CABP7: variants seen among roughly 807,000 people sequenced by gnomAD.
The protein encoded by CABP7 is calcium-binding protein 7.
A neutral mutation model predicts 23.1 loss-of-function variants in CABP7; 13 were observed. The observed-to-expected ratio is 0.56, with a 90% CI of 0.37 to 0.90. The LOEUF is 0.90. Among genes scored for constraint, CABP7 ranks in the 40% least tolerant of loss-of-function variants. The pLI is 0.01. For missense variants in CABP7, 248 were observed against 295.6 expected, an observed-to-expected ratio of 0.84 and a Z score of 1.18; for synonymous variants, 123 against 115.3, an observed-to-expected ratio of 1.07 and a Z score of -0.43.
In CABP7 at chr22:29,729,342, C is replaced by T. The variant is rs987185415; in HGVS notation, c.521-100C>T. ...CTAAGCCTCTGTCCCATTGGGGCAC[C>T]CCATGGGATGAGCCCATGTGCCGAA... On this transcript the variant is annotated intron_variant, in intron 4 of 4. Transcript: ENST00000216144. 3.2e-6 allele frequency: 5 copies of T among 1,577,184 alleles called. No individual in the cohort carries two copies. The African/African-American group carries it at 5.4e-5, about 17-fold the overall frequency.
rs1174201939 is a variant in CABP7, at chr22:29,727,131, A to T, written c.110-531A>T. Among the ~76,000 whole-genome samples the T allele has an allele frequency of 1.3e-5, 2 of 152,140 alleles. No homozygotes were observed. Among genetic ancestry groups the T allele is most frequent in the African/African-American group, 4.8e-5 (2 of 41,438 alleles). On this transcript the variant is annotated intron_variant, in intron 1 of 4. Transcript: ENST00000216144. This position sits in a 1 kb window ranked among gnomAD's most constrained non-coding sequence, Gnocchi z 4.2. ...CCCTCTGTCTTCCCTGAACCAAAAG[A>T]GGTCTGTGCCGCCTGTCAGCCCATT...
At chr22:29,723,888 T>C (rs2067778485) in intron 1 of CABP7, among the ~76,000 whole-genome samples, 1 of 152,176 alleles carries the variant, frequency 6.6e-6, no homozygotes, top group African/African-American at 2.4e-5. Context: ...CGGATGTCCC[T>C]TGGAGTCTGC....
chr22:29,723,737 CA>C (rs1183307125), intron 1 of CABP7, among the ~76,000 whole-genome samples: 2 of 152,220 alleles, frequency 1.3e-5, no homozygotes, highest in African/African-American at 4.8e-5. Context: ...TCTGCACAGC[CA>C]AAAGCTCAGG....
intron 1 of CABP7, among the ~76,000 whole-genome samples, chr22:29,726,355 T>A (rs1048338818): frequency 5.9e-5 from 9 of 152,258 alleles, no homozygotes; most frequent in Admixed American, 2.0e-4. Context: ...TGGCCCCTAG[T>A]CTGTGGTGAG....
intron 3 of CABP7, 136 bp from the exon 4 acceptor site, chr22:29,728,919 G>T: frequency 8.1e-7 from 1 of 1,234,638 alleles, no homozygotes. Flanking sequence ...GTTGGTCAAG[G>T]ACTCTCTGGG....
chr22:29,720,525 A>G lies in CABP7; in HGVS notation c.101A>G (p.Glu34Gly). ...EQRPVDIPED[E>G]LEEIREAFKV... ...CGCCCGGTGGACATCCCGGAGGACGAGCTGGAGGGTGAGTGTCCGCCGGGA... is the reference window on the plus strand; with the variant it reads ...CGCCCGGTGGACATCCCGGAGGACGGGCTGGAGGGTGAGTGTCCGCCGGGA... Residue 34 changes from glutamate to glycine, a missense_variant, in exon 1 of 5, where the codon GAG (glutamate) becomes GGG (glycine). Transcript: ENST00000216144. This position sits in a 1 kb window ranked among gnomAD's most constrained non-coding sequence, Gnocchi z 5.2. 1 of 1,535,142 alleles carries G rather than the reference A, an allele frequency of 6.5e-7. No homozygotes were observed. The highest frequency in any genetic ancestry group is 8.8e-7 in the Non-Finnish European group (1 of 1,141,210).
At chr22:29,726,163 G>A (rs1218287163) in intron 1 of CABP7, among the ~76,000 whole-genome samples, 1 of 152,200 alleles carries the variant, frequency 6.6e-6, no homozygotes, top group African/African-American at 2.4e-5. Context: ...GGTGGGATGA[G>A]TGAAGGGGAA....
intron 1 of CABP7, among the ~76,000 whole-genome samples, chr22:29,722,205 G>T (rs1307708137): frequency 2.0e-5 from 3 of 152,164 alleles, no homozygotes; most frequent in Admixed American, 6.5e-5. Context: ...GCCCTTTCTG[G>T]GTCCCTCCTC....
chr22:29,727,157 A>G lies in CABP7; in HGVS notation c.110-505A>G, dbSNP rs1281192307. Among the ~76,000 whole-genome samples, 1 of 152,058 alleles carries G rather than the reference A, an allele frequency of 6.6e-6. No homozygotes were observed. The highest frequency in any genetic ancestry group is 1.5e-5 in the Non-Finnish European group (1 of 68,016). On this transcript the variant is annotated intron_variant, in intron 1 of 4. Coordinates refer to ENST00000216144, the MANE Select transcript of CABP7 (RefSeq NM_182527.3). The surrounding 1 kb of genome is among the most constrained non-coding windows in gnomAD (Gnocchi z 4.2). ...GGTCTGTGCCGCCTGTCAGCCCATTAGTCTGGAGCAAGCTGCCTCACGTGG... is the reference window on the plus strand; with the variant it reads ...GGTCTGTGCCGCCTGTCAGCCCATTGGTCTGGAGCAAGCTGCCTCACGTGG...
chr22:29,728,731 G>A lies in CABP7; in HGVS notation c.355G>A (p.Val119Ile). The A allele has an allele frequency of 1.9e-6, 3 of 1,610,258 alleles. No homozygotes were observed. The highest frequency in any genetic ancestry group is 2.5e-6 in the Non-Finnish European group (3 of 1,176,810). Residue 119 changes from valine (V) to isoleucine (I), a missense_variant, in exon 3 of 5, where the codon GTC becomes ATC. By Grantham distance (29) the Val-to-Ile change is conservative. Coordinates refer to ENST00000216144, the MANE Select transcript of CABP7 (RefSeq NM_182527.3). ...GTTCCATGGCACCGACTTTGATACT[G>A]TCTTCTGGAAGGTATCCCCTGGCTA... The part of the protein sequence containing the change: ...EKFHGTDFDT[V>I]FWKCDMQKLT...
At chr22:29,726,607 C>T (rs2067797173) in intron 1 of CABP7, among the ~76,000 whole-genome samples, 1 of 152,238 alleles carries the variant, frequency 6.6e-6, no homozygotes, top group Non-Finnish European at 1.5e-5. Context: ...CAGATACACA[C>T]CCTCTCTCAC....
intron 1 of CABP7, among the ~76,000 whole-genome samples, chr22:29,726,115 C>G (rs2067793864): frequency 6.6e-6 from 1 of 152,156 alleles, no homozygotes; most frequent in South Asian, 2.1e-4. Flanking sequence ...TTCCCTGGCC[C>G]CGGGGCCATT....
intron 2 of CABP7, among the ~76,000 whole-genome samples, chr22:29,728,405 C>G (rs2067811355): frequency 6.6e-6 from 1 of 152,192 alleles, no homozygotes; most frequent in Admixed American, 6.5e-5. Context: ...CTACCTCCAC[C>G]TCCCCTTGTA....
chr22:29,722,833 A>T (rs2067770844), intron 1 of CABP7, among the ~76,000 whole-genome samples: 1 of 152,226 alleles, frequency 6.6e-6, no homozygotes, highest in Non-Finnish European at 1.5e-5. Flanking sequence ...GCAGCCCGGG[A>T]TGGAATGCTG....
At position 29,729,292 on chromosome 22, in the gene CABP7, G is replaced by T. The variant is rs2067820328; in HGVS notation, c.520+84G>T. 5.7e-6 allele frequency: 9 copies of T among 1,576,498 alleles called. No individual in the cohort carries two copies. In the South Asian group the frequency reaches 7.9e-5, roughly 14 times the overall value. ...ACGGGGTGGGGAGAGTCTGCAGAGG[G>T]GGGCTGGGGGCCTCCTTGCCTGTCC... is the stretch of plus-strand genomic sequence containing the variant. On this transcript the variant is annotated intron_variant, in intron 4 of 4. Coordinates refer to ENST00000216144, the MANE Select transcript of CABP7 (RefSeq NM_182527.3).
At position 29,729,803 on chromosome 22, in the gene CABP7, C is replaced by G; in HGVS notation, c.*234C>G. 1.7e-6 allele frequency: 1 copy of G among 578,048 alleles called. No individual in the cohort carries two copies. Among genetic ancestry groups the G allele is most frequent in the Non-Finnish European group, 3.1e-6 (1 of 325,874 alleles). 35.8% of individuals were successfully genotyped at this position (578,048 alleles called of 1,614,324 possible). ...GATGGTCCCCAGCCCCACCCTGTCC[C>G]CACCCTGGCCTGTAAGGAGCACTCA... is the stretch of plus-strand genomic sequence containing the variant. On this transcript the variant is annotated 3_prime_UTR_variant, in exon 5 of 5. Transcript: ENST00000216144.
In CABP7 at chr22:29,727,061, C is replaced by T. The variant is rs1425473988; in HGVS notation, c.110-601C>T. On this transcript the variant is annotated intron_variant, in intron 1 of 4. Coordinates refer to ENST00000216144, the MANE Select transcript of CABP7 (RefSeq NM_182527.3). The surrounding 1 kb of genome is among the most constrained non-coding windows in gnomAD (Gnocchi z 4.2). ...CTCCGTACAGTGTGGAGGGCGACCCCCCACCCAGTCTGGTCTGGCCTGGAC... is the reference window on the plus strand; with the variant it reads ...CTCCGTACAGTGTGGAGGGCGACCCTCCACCCAGTCTGGTCTGGCCTGGAC... 1.3e-5 allele frequency among the ~76,000 whole-genome samples: 2 copies of T among 152,156 alleles called. No individual in the cohort carries two copies. The highest frequency in any genetic ancestry group is 4.8e-5 in the African/African-American group (2 of 41,442).
chr22:29,720,383 C>A lies in CABP7; in HGVS notation c.-42C>A, dbSNP rs2067750804. Reference sequence around the variant, plus strand: ...GCCGCCACCGGCCCATGAGCCCCGGCCTCAAAGTTTGCGGCGGGCGGGCGG... The same window carrying A: ...GCCGCCACCGGCCCATGAGCCCCGGACTCAAAGTTTGCGGCGGGCGGGCGG... On this transcript the variant is annotated 5_prime_UTR_variant, in exon 1 of 5. Coordinates refer to ENST00000216144, the MANE Select transcript of CABP7 (RefSeq NM_182527.3). This position sits in a 1 kb window ranked among gnomAD's most constrained non-coding sequence, Gnocchi z 5.2. The A allele has an allele frequency of 5.1e-6, 7 of 1,372,194 alleles. No homozygotes were observed. Among genetic ancestry groups the A allele is most frequent in the Non-Finnish European group, 6.8e-6 (7 of 1,026,568 alleles). 85.0% of individuals were successfully genotyped at this position (1,372,194 alleles called of 1,614,324 possible). A position where few individuals can be genotyped will look rare whatever the true frequency, so the allele number is the denominator to read the frequency against.
chr22:29,728,525 C>A, intron 2 of CABP7, 105 bp from the exon 3 acceptor site: 2 of 696,218 alleles, frequency 2.9e-6, no homozygotes, highest in Non-Finnish European at 5.0e-6. Context: ...CCTAAGGCCA[C>A]CCGGTAGGCC....
Sources: gnomAD v4.1 joint callset for allele counts (sites outside exome capture counted in the v4.1 genomes callset) on GRCh38, gnomAD v4.1.1 for gene constraint, Gnocchi (gnomAD v3.1) non-coding constraint, MANE v1.5 for transcripts, NCBI Gene and HGNC (gene_info 2026-07-23, HGNC 2026-07-21) for gene names.